The following PAK5 variants were observed in gnomAD, a reference collection of about 807,000 sequenced individuals.
PAK5 encodes p21 (RAC1) activated kinase 5, also known as serine/threonine-protein kinase PAK 5.
PAK5 carries 16 observed loss-of-function variants against 65.9 expected under a neutral mutation model. The observed-to-expected ratio is 0.24, with a 90% CI of 0.16 to 0.37. The LOEUF is 0.37. Among genes scored for constraint, PAK5 ranks in the 10% least tolerant of loss-of-function variants. The pLI is 1.00. For synonymous variants in PAK5, 371 were observed against 354.9 expected (o/e 1.05, Z -0.51); for missense variants, 785 against 903.9 (o/e 0.87, Z 1.69).
At chr20:9,627,686 G>A (rs1387172856) in intron 3 of PAK5, among the ~76,000 whole-genome samples, 1 of 151,942 alleles carries the variant, frequency 6.6e-6, no homozygotes, top group African/African-American at 2.4e-5. Flanking sequence ...GAGTGCAGTG[G>A]CACGATCTCT....
chr20:9,681,206 C>T (rs985429860), intron 2 of PAK5, among the ~76,000 whole-genome samples: 20 of 152,100 alleles, frequency 1.3e-4, no homozygotes, highest in East Asian at 9.7e-4. Context: ...TTAGCTGTAT[C>T]GGCTTTTTAA....
At chr20:9,560,559 G>A (rs899870440) in intron 6 of PAK5, among the ~76,000 whole-genome samples, 3 of 152,040 alleles carry the variant, frequency 2.0e-5, no homozygotes, top group Admixed American at 6.6e-5. Context: ...ACAGGGTCTC[G>A]CTAAGTTGCC....
At chr20:9,689,141 T>C (rs2047758828) in intron 2 of PAK5, among the ~76,000 whole-genome samples, 1 of 152,192 alleles carries the variant, frequency 6.6e-6, no homozygotes, top group South Asian at 2.1e-4. Flanking sequence ...TGAACATTTC[T>C]CTCCTCAGGT....
At chr20:9,636,333 G>T (rs924261481) in intron 3 of PAK5, among the ~76,000 whole-genome samples, 4 of 152,124 alleles carry the variant, frequency 2.6e-5, no homozygotes, top group Non-Finnish European at 5.9e-5. Context: ...CATAAACTAC[G>T]ATGGGAGAGA....
At chr20:9,686,516 C>T (rs2047721546) in intron 2 of PAK5, among the ~76,000 whole-genome samples, 1 of 152,192 alleles carries the variant, frequency 6.6e-6, no homozygotes, top group African/African-American at 2.4e-5. Context: ...CTGCCTCTCC[C>T]AAACTGCTGG....
chr20:9,660,587 C>G (rs924353257), intron 2 of PAK5, among the ~76,000 whole-genome samples: 3 of 151,864 alleles, frequency 2.0e-5, no homozygotes, highest in Admixed American at 1.3e-4. Context: ...AAGGGAATGG[C>G]GAATGCTGTG....
At chr20:9,800,504 A>T (rs113730660) in intron 1 of PAK5, among the ~76,000 whole-genome samples, 1 of 152,120 alleles carries the variant, frequency 6.6e-6, no homozygotes, top group Non-Finnish European at 1.5e-5. Flanking sequence ...TTTAGTTCTC[A>T]ATATTCTTAC....
intron 3 of PAK5, 42 bp downstream of exon 3, chr20:9,644,083 C>A (rs374160679): frequency 6.8e-7 from 1 of 1,470,556 alleles, no homozygotes; most frequent in Non-Finnish European, 9.5e-7. Context: ...TAAATAAGAG[C>A]ATGATTCTTA....
chr20:9,700,815 C>T (rs118076466), intron 2 of PAK5, among the ~76,000 whole-genome samples: 1,617 of 152,268 alleles, frequency 0.011, 17 homozygotes, highest in Middle Eastern at 0.044. Context: ...TGTCTGCAGG[C>T]TAGATTCAGC....
intron 1 of PAK5, among the ~76,000 whole-genome samples, chr20:9,759,568 C>T (rs565808343): frequency 6.6e-6 from 1 of 152,140 alleles, no homozygotes; most frequent in East Asian, 1.9e-4. Context: ...GAATTTGCAT[C>T]TCTATCAAGC....
intron 1 of PAK5, among the ~76,000 whole-genome samples, chr20:9,719,308 C>T (rs1279323767): frequency 3.3e-5 from 5 of 152,158 alleles, no homozygotes; most frequent in Non-Finnish European, 7.4e-5. Context: ...TCAGAGCATA[C>T]AGAACAATAT....
At chr20:9,584,101 A>G (rs557000410) in intron 3 of PAK5, among the ~76,000 whole-genome samples, 1 of 152,274 alleles carries the variant, frequency 6.6e-6, no homozygotes, top group Admixed American at 6.5e-5. Flanking sequence ...AATCATGTAT[A>G]TAACCTGGGA....
intron 1 of PAK5, among the ~76,000 whole-genome samples, chr20:9,803,321 C>T (rs946129405): frequency 3.3e-5 from 5 of 152,058 alleles, no homozygotes; most frequent in African/African-American, 9.7e-5. Flanking sequence ...CCACTTACTA[C>T]GCCAAGCCCA....
At chr20:9,604,626 C>T (rs1035545107) in intron 3 of PAK5, among the ~76,000 whole-genome samples, 1 of 152,226 alleles carries the variant, frequency 6.6e-6, no homozygotes, top group Non-Finnish European at 1.5e-5. Context: ...CCTATTCACA[C>T]CCCTGCATCC....
chr20:9,745,223 C>G (rs768667288), intron 1 of PAK5, among the ~76,000 whole-genome samples: 1 of 151,966 alleles, frequency 6.6e-6, no homozygotes, highest in African/African-American at 2.4e-5. Flanking sequence ...TTATTTCTTA[C>G]TAAATTGCCA....
At position 9,580,424 on chromosome 20, in the gene PAK5, A is replaced by G; in HGVS notation, c.711T>C (p.Ser237=). Residue 237 remains serine, a synonymous_variant, in exon 4 of 10, where the codon TCT becomes TCC. Transcript: ENST00000353224. Reference sequence around the variant, plus strand: ...AGCACCCGCTGGTCCCTGCAGTTCTAGAAGGTGTGAATTGGAATGAATAAT... The same window carrying G: ...AGCACCCGCTGGTCCCTGCAGTTCTGGAAGGTGTGAATTGGAATGAATAAT... ...PLDYSFQFTP[S]RTAGTSGCSK... 1 of 1,614,072 alleles carries G rather than the reference A, an allele frequency of 6.2e-7. No homozygotes were observed. The highest frequency in any genetic ancestry group is 8.5e-7 in the Non-Finnish European group (1 of 1,180,000).
chr20:9,722,372 G>A (rs1303440559), intron 1 of PAK5, among the ~76,000 whole-genome samples: 2 of 152,164 alleles, frequency 1.3e-5, no homozygotes, highest in Admixed American at 6.5e-5. Context: ...GTAATCACGT[G>A]TGATTACACC....
chr20:9,758,812 C>A (rs920080550), intron 1 of PAK5, among the ~76,000 whole-genome samples: 1 of 152,082 alleles, frequency 6.6e-6, no homozygotes, highest in Non-Finnish European at 1.5e-5. Context: ...ACAAGAAATG[C>A]CTCTGTGACA....
intron 2 of PAK5, among the ~76,000 whole-genome samples, chr20:9,657,729 G>A (rs1024606928): frequency 6.6e-6 from 1 of 152,168 alleles, no homozygotes; most frequent in African/African-American, 2.4e-5. Flanking sequence ...AATGCTTTGA[G>A]TTCAGCCTTT....
Sources: allele counts gnomAD v4.1 joint callset (sites outside exome capture counted in the v4.1 genomes callset), GRCh38; gene constraint gnomAD v4.1.1; transcripts MANE v1.5; gene names NCBI Gene and HGNC (gene_info 2026-07-23, HGNC 2026-07-21).